Variants in MAP4K5 observed in about 807,000 individuals in gnomAD.
MAP4K5 encodes the protein MAPK/ERK kinase kinase kinase 5.
In MAP4K5, 82 loss-of-function variants were observed where a neutral mutation model predicts 135.6. That is an observed-to-expected ratio of 0.60 (90% CI 0.51 to 0.73). MAP4K5 has a LOEUF of 0.73. Ranked by LOEUF, MAP4K5 falls within the 30% of genes least tolerant of loss-of-function variation. MAP4K5 has a pLI of 0.00. For missense variants in MAP4K5, 907 were observed against 1,010.9 expected (o/e 0.90, Z 1.39); for synonymous variants, 347 against 335.0 (o/e 1.04, Z -0.39).
Position 50,435,073 on chromosome 14 carries a change from GAAAT to G in MAP4K5, c.1883-12_1883-9del. ...CCGTGTAAGGGTTTCTGACTGGAAA[GAAAT>G]AAACAAACAAAAAACCCAGACACAC... On this transcript the variant is annotated splice_polypyrimidine_tract_variant and intron_variant, in intron 26 of 32. Coordinates refer to ENST00000682126, the MANE Select transcript of MAP4K5 (RefSeq NM_006575.6). 1 of 1,515,836 alleles carries G rather than the reference GAAAT, an allele frequency of 6.6e-7. No individual in the cohort carries two copies. The highest frequency in any genetic ancestry group is 9.1e-7 in the Non-Finnish European group (1 of 1,100,158). The allele number at this position is 1,515,836 out of a possible 1,614,324, so 93.9% of individuals were successfully genotyped here. A position where few individuals can be genotyped will look rare whatever the true frequency, so the allele number is the denominator to read the frequency against.
intron 3 of MAP4K5, among the ~76,000 whole-genome samples, chr14:50,502,000 G>A: frequency 6.6e-6 from 1 of 152,072 alleles, no homozygotes; most frequent in East Asian, 1.9e-4. Flanking sequence ...AATTTTATGG[G>A]TCAACTGACA....
intron 15 of MAP4K5, among the ~76,000 whole-genome samples, chr14:50,448,488 C>A (rs1270727869): frequency 2.0e-5 from 3 of 151,118 alleles, no homozygotes; most frequent in Non-Finnish European, 4.4e-5. Context: ...AAAAAAGGTC[C>A]TAAGAGCTTA....
chr14:50,431,533 G>A (rs893097404), intron 28 of MAP4K5, among the ~76,000 whole-genome samples: 15 of 152,082 alleles, frequency 9.9e-5, no homozygotes, highest in Non-Finnish European at 1.8e-4. Context: ...ATAGTTTACT[G>A]AGAATGATGA....
intron 10 of MAP4K5, among the ~76,000 whole-genome samples, chr14:50,466,983 G>A (rs894263963): frequency 6.6e-6 from 1 of 152,066 alleles, no homozygotes; most frequent in African/African-American, 2.4e-5. Flanking sequence ...CTAATACATA[G>A]AGATGACATG....
chr14:50,424,463 A>C (rs1161067279), intron 31 of MAP4K5, among the ~76,000 whole-genome samples: 1 of 152,192 alleles, frequency 6.6e-6, no homozygotes, highest in Non-Finnish European at 1.5e-5. Flanking sequence ...TAATCCCGGC[A>C]CTTTGGGAGG....
chr14:50,479,204 TTTGTCCCTTTTTCTTCTG>T (rs2037180621), intron 6 of MAP4K5, among the ~76,000 whole-genome samples: 1 of 151,828 alleles, frequency 6.6e-6, no homozygotes, highest in Non-Finnish European at 1.5e-5. Flanking sequence ...TTTTCTCATT[TTTGTCCCTTTTTCTTCTG>T]TTGTCCCTTC....
upstream of MAP4K5, chr14:50,533,386 CA>C (rs2038447516): frequency 2.0e-5 from 3 of 152,048 alleles, no homozygotes; most frequent in Non-Finnish European, 4.4e-5. Flanking sequence ...TTGCATCTGA[CA>C]CCCAGGAAAG....
chr14:50,441,456 C>T (rs1395206486), intron 21 of MAP4K5, among the ~76,000 whole-genome samples: 2 of 152,088 alleles, frequency 1.3e-5, no homozygotes, highest in African/African-American at 2.4e-5. Flanking sequence ...CTGATTCAAG[C>T]ATGAGGACTC....
In MAP4K5 at chr14:50,428,757, T is replaced by TAA. The variant is rs752771860; in HGVS notation, c.2234-5_2234-4dup. 697 of 1,092,474 alleles carry TAA rather than the reference T, an allele frequency of 6.4e-4. No homozygotes were observed. Among genetic ancestry groups the TAA allele is most frequent in the South Asian group, 1.1e-3 (60 of 55,946 alleles). 67.7% of individuals were successfully genotyped at this position (1,092,474 alleles called of 1,614,324 possible). On this transcript the variant is annotated splice_region_variant and splice_polypyrimidine_tract_variant and intron_variant, in intron 29 of 32. Transcript: ENST00000682126. ...TAGATTTACAATTTTCACAAATTCTTAAAAAAAAAAAACAAGTCAAGACTG... is the reference window on the plus strand; with the variant it reads ...TAGATTTACAATTTTCACAAATTCTTAAAAAAAAAAAAAACAAGTCAAGACTG...
Position 50,553,308 on chromosome 14 carries a change from C to A in MAP4K5, c.-180+7732G>T, listed in dbSNP as rs998611039. On this transcript the variant is annotated intron_variant, in intron 1 of 8. Coordinates refer to the MAP4K5 transcript ENST00000555216. ...AAAGTGGGTAAAGGACATGAATAGA[C>A]AATTCTTGAAAAAATATATACAGAC... Among the ~76,000 whole-genome samples the A allele has an allele frequency of 1.8e-3, 273 of 149,344 alleles. 1 individual carries two copies. Among genetic ancestry groups the A allele is most frequent in the African/African-American group, 6.4e-3 (263 of 40,908 alleles).
chr14:50,552,618 G>C (rs2038716354), intron 1 of MAP4K5, among the ~76,000 whole-genome samples: 1 of 152,164 alleles, frequency 6.6e-6, no homozygotes. Context: ...AAATTTTGCT[G>C]TGAGGCTATA....
At chr14:50,430,834 A>G (rs552448956) in intron 28 of MAP4K5, among the ~76,000 whole-genome samples, 1 of 152,272 alleles carries the variant, frequency 6.6e-6, no homozygotes, top group South Asian at 2.1e-4. Flanking sequence ...GCCTGGTAAA[A>G]ATTTTGATAG....
At chr14:50,509,563 T>C (rs2037887009) in intron 2 of MAP4K5, among the ~76,000 whole-genome samples, 1 of 151,960 alleles carries the variant, frequency 6.6e-6, no homozygotes, top group South Asian at 2.1e-4. Context: ...AATCTTAGAG[T>C]TGAATTTGAT....
intron 1 of MAP4K5, among the ~76,000 whole-genome samples, chr14:50,553,013 G>A (rs575555569): frequency 6.6e-6 from 1 of 152,054 alleles, no homozygotes; most frequent in Non-Finnish European, 1.5e-5. Flanking sequence ...AAATAAATGG[G>A]GCCAGGCATG....
chr14:50,507,893 T>C (rs2037846744), intron 2 of MAP4K5, among the ~76,000 whole-genome samples: 2 of 152,182 alleles, frequency 1.3e-5, no homozygotes, highest in Non-Finnish European at 1.5e-5. Context: ...GTTCAAGTCC[T>C]GGATATCCTT....
intron 11 of MAP4K5, among the ~76,000 whole-genome samples, chr14:50,465,515 A>G (rs1382585422): frequency 1.3e-5 from 2 of 152,248 alleles, no homozygotes; most frequent in African/African-American, 4.8e-5. Flanking sequence ...AGATGAAAAT[A>G]AGTAATAATC....
At chr14:50,460,513 T>A (rs986744191) in intron 13 of MAP4K5, among the ~76,000 whole-genome samples, 2 of 152,214 alleles carry the variant, frequency 1.3e-5, no homozygotes, top group African/African-American at 4.8e-5. Flanking sequence ...AATATCTAAT[T>A]CTACATTTAT....
chr14:50,444,772 C>T (rs1481179725), intron 18 of MAP4K5, among the ~76,000 whole-genome samples: 2 of 152,124 alleles, frequency 1.3e-5, no homozygotes, highest in African/African-American at 4.8e-5. Flanking sequence ...GGGGCAGAAA[C>T]ATGCATTCAC....
At chr14:50,444,523 C>T (rs539579755) in intron 18 of MAP4K5, among the ~76,000 whole-genome samples, 5 of 151,886 alleles carry the variant, frequency 3.3e-5, no homozygotes, top group South Asian at 2.1e-4. Flanking sequence ...CTGGGGCAGG[C>T]GGATCACTTG....
Sources: gnomAD v4.1 joint callset for allele counts (sites outside exome capture counted in the v4.1 genomes callset) on GRCh38, gnomAD v4.1.1 for gene constraint, MANE v1.5 for transcripts, NCBI Gene and HGNC (gene_info 2026-07-23, HGNC 2026-07-21) for gene names.